Variants in RABGAP1L observed in about 807,000 individuals in gnomAD.
The protein encoded by RABGAP1L is RAB GTPase activating protein 1 like, also known as rab GTPase-activating protein 1-like.
In RABGAP1L, 63 loss-of-function variants were observed where a neutral mutation model predicts 137.7. The ratio of observed to expected loss-of-function variants is 0.46; its 90% CI spans 0.37 to 0.56. The LOEUF is 0.56. Ranked by LOEUF, RABGAP1L falls within the 20% of genes least tolerant of loss-of-function variation. The probability of loss-of-function intolerance (pLI) is 0.00; values close to 1 mark genes in which losing one functional copy is unlikely to be tolerated. For synonymous variants in RABGAP1L, 431 were observed against 433.7 expected (o/e 0.99, Z 0.08); for missense variants, 1,095 against 1,244.0 (o/e 0.88, Z 1.80).
intron 13 of RABGAP1L, among the ~76,000 whole-genome samples, chr1:174,632,557 C>T (rs1205664952): frequency 1.3e-5 from 2 of 150,514 alleles, no homozygotes; most frequent in Admixed American, 6.6e-5. Flanking sequence ...GGTCTTTTCA[C>T]ATAGTCGCAT....
At chr1:174,701,487 ATCCCAGC>A (rs1376183117) in intron 16 of RABGAP1L, among the ~76,000 whole-genome samples, 1 of 152,166 alleles carries the variant, frequency 6.6e-6, no homozygotes, top group African/African-American at 2.4e-5. Context: ...CACACCTGTA[ATCCCAGC>A]ACTTTGGGAG....
Position 174,237,799 on chromosome 1 carries a change from T to A in RABGAP1L, c.543-3684T>A, listed in dbSNP as rs1250527719. Among the ~76,000 whole-genome samples the A allele has an allele frequency of 6.1e-5, 9 of 147,932 alleles. No homozygotes were observed. The Admixed American group carries it at 6.1e-4, about 10-fold the overall frequency. On this transcript the variant is annotated intron_variant, in intron 4 of 25. Transcript: ENST00000681986. ...TCTTTGTGGCGTTCTCTGTATTTCCTGAATCTGAACGTTGGCCTGCCTTAC... is the reference window on the plus strand; with the variant it reads ...TCTTTGTGGCGTTCTCTGTATTTCCAGAATCTGAACGTTGGCCTGCCTTAC...
chr1:174,465,122 G>A (rs572942141), intron 13 of RABGAP1L, among the ~76,000 whole-genome samples: 44 of 152,212 alleles, frequency 2.9e-4, no homozygotes, highest in Admixed American at 1.6e-3. Flanking sequence ...GAAAACTACT[G>A]TTATATCTGC....
chr1:174,604,204 C>G (rs1168113349), intron 13 of RABGAP1L, among the ~76,000 whole-genome samples: 2 of 152,150 alleles, frequency 1.3e-5, no homozygotes, highest in African/African-American at 4.8e-5. Flanking sequence ...GTCGGCCTAG[C>G]TGGAACTCAG....
Position 174,448,278 on chromosome 1 carries a change from C to T in RABGAP1L, c.1710+54133C>T, listed in dbSNP as rs1655018624. ...GTGTTGCTGACATTTCTGATCATTG[C>T]TGGGAATCTAACAGTTATCTTTGTC... On this transcript the variant is annotated intron_variant, in intron 13 of 25. Coordinates refer to ENST00000681986, the MANE Select transcript of RABGAP1L (RefSeq NM_001366446.1). This position sits in a 1 kb window ranked among gnomAD's most constrained non-coding sequence, Gnocchi z 4.2. The T allele has an allele frequency of 6.2e-7, 1 of 1,613,374 alleles. No homozygotes were observed. Among genetic ancestry groups the T allele is most frequent in the South Asian group, 1.1e-5 (1 of 91,076 alleles).
At chr1:174,652,728 C>T (rs552726405) in intron 14 of RABGAP1L, among the ~76,000 whole-genome samples, 2 of 152,292 alleles carry the variant, frequency 1.3e-5, no homozygotes, top group East Asian at 1.9e-4. Context: ...TATGAGATGT[C>T]TGTCGACCCC....
intron 10 of RABGAP1L, among the ~76,000 whole-genome samples, chr1:174,293,427 A>C (rs1227029092): frequency 1.3e-5 from 2 of 152,186 alleles, no homozygotes; most frequent in African/African-American, 4.8e-5. Context: ...CTGCTCTAAA[A>C]GCCTTTCTAA....
At chr1:174,296,518 C>A (rs567653298) in intron 10 of RABGAP1L, among the ~76,000 whole-genome samples, 5 of 152,222 alleles carry the variant, frequency 3.3e-5, no homozygotes, top group Admixed American at 3.3e-4. Flanking sequence ...ATAGGAATTG[C>A]GTAACAGATA....
intron 13 of RABGAP1L, among the ~76,000 whole-genome samples, chr1:174,532,505 C>G (rs1358631253): frequency 6.6e-6 from 1 of 152,042 alleles, no homozygotes; most frequent in African/African-American, 2.4e-5. Flanking sequence ...CTGCGCTCAG[C>G]CAGATGTTTT....
intron 19 of RABGAP1L, among the ~76,000 whole-genome samples, chr1:174,956,412 T>C (rs1431477072): frequency 6.6e-6 from 1 of 152,210 alleles, no homozygotes; most frequent in Admixed American, 6.5e-5. Flanking sequence ...GCTGTGCTTA[T>C]TTGTTTATTT....
intron 13 of RABGAP1L, among the ~76,000 whole-genome samples, chr1:174,405,928 AGATCAC>A (rs1185583638): frequency 2.6e-5 from 4 of 152,134 alleles, no homozygotes; most frequent in African/African-American, 4.8e-5. Flanking sequence ...CAGTGAGCCA[AGATCAC>A]GCCACTGCAC....
At chr1:174,655,987 G>T (rs998465456) in intron 14 of RABGAP1L, among the ~76,000 whole-genome samples, 2 of 152,158 alleles carry the variant, frequency 1.3e-5, no homozygotes, top group Non-Finnish European at 1.5e-5. Context: ...ACCAAGATCT[G>T]CTTGGTAAAT....
At chr1:174,805,281 A>G (rs1178119536) in intron 18 of RABGAP1L, among the ~76,000 whole-genome samples, 2 of 152,122 alleles carry the variant, frequency 1.3e-5, no homozygotes, top group Admixed American at 1.3e-4. Flanking sequence ...ATTTCTTCCT[A>G]CCTACTTGAA....
rs568389192 is a variant in RABGAP1L, at chr1:174,370,736, T to G, written c.1466-243T>G. On this transcript the variant is annotated intron_variant, in intron 11 of 25. Transcript: ENST00000681986. ...TTAGTCTTTGGATACAGCTATTTAT[T>G]TATATTTTCAATTTCATGTTATGTA... Among the ~76,000 whole-genome samples, 21 of 115,912 alleles carry G rather than the reference T, an allele frequency of 1.8e-4. 1 individual carries two copies. The East Asian group carries it at 4.2e-3, about 23-fold the overall frequency. The allele number at this position is 115,912 out of a possible 152,430, so 76.0% of individuals were successfully genotyped here.
chr1:174,994,011 T>C lies in RABGAP1L; in HGVS notation c.*4010T>C, dbSNP rs1036090242. 5 of 152,216 alleles carry C rather than the reference T, an allele frequency of 3.3e-5. No homozygotes were observed. The highest frequency in any genetic ancestry group is 6.5e-5 in the Admixed American group (1 of 15,284). 9.4% of individuals were successfully genotyped at this position (152,216 alleles called of 1,614,324 possible). A position where few individuals can be genotyped will look rare whatever the true frequency, so the allele number is the denominator to read the frequency against. ...TACACATTGAGATTTCAAGAAATGA[T>C]GATGAAAGCCAGAAGGCCAGACCAC... On this transcript the variant is annotated 3_prime_UTR_variant, in exon 26 of 26. Coordinates refer to ENST00000681986, the MANE Select transcript of RABGAP1L (RefSeq NM_001366446.1).
chr1:174,580,669 T>C (rs889314155), intron 13 of RABGAP1L, among the ~76,000 whole-genome samples: 5 of 152,124 alleles, frequency 3.3e-5, no homozygotes, highest in Admixed American at 1.3e-4. Context: ...TTAGGAGATA[T>C]ACCTGATGTT....
intron 19 of RABGAP1L, among the ~76,000 whole-genome samples, chr1:174,824,388 G>A (rs79203634): frequency 0.077 from 11,649 of 152,106 alleles, 622 homozygotes; most frequent in East Asian, 0.31. Flanking sequence ...CCAGCTACTT[G>A]GGAGGCTGAG....
intron 19 of RABGAP1L, among the ~76,000 whole-genome samples, chr1:174,879,078 G>A (rs957745657): frequency 2.0e-5 from 3 of 149,936 alleles, no homozygotes; most frequent in African/African-American, 7.4e-5. Flanking sequence ...GGGACTACAG[G>A]CACCTGCCAA....
At chr1:174,798,621 CTATT>C (rs3980201) in intron 18 of RABGAP1L, among the ~76,000 whole-genome samples, 91,484 of 151,566 alleles carry the variant, frequency 0.6, 30,578 homozygotes, top group East Asian at 0.93. Context: ...CATAATTAAT[CTATT>C]TATTTAGGCC....
Sources: allele counts gnomAD v4.1 joint callset (sites outside exome capture counted in the v4.1 genomes callset), GRCh38; gene constraint gnomAD v4.1.1; non-coding constraint Gnocchi (gnomAD v3.1); transcripts MANE v1.5; gene names NCBI Gene and HGNC (gene_info 2026-07-23, HGNC 2026-07-21).